Variants in BCKDHB observed in about 807,000 individuals in gnomAD.
BCKDHB encodes branched chain keto acid dehydrogenase E1 subunit beta.
A neutral mutation model predicts 48.5 loss-of-function variants in BCKDHB; 41 were observed. The observed-to-expected ratio is 0.85, with a 90% CI of 0.66 to 1.10. The LOEUF (loss-of-function observed/expected upper bound fraction) is 1.10, where lower values mean the gene tolerates loss of function less well. BCKDHB is among the 50% of genes least tolerant of loss of function. BCKDHB has a pLI of 0.00. For missense variants in BCKDHB, 496 were observed against 494.2 expected, an observed-to-expected ratio of 1.00 and a Z score of -0.03; for synonymous variants, 201 against 174.8, an observed-to-expected ratio of 1.15 and a Z score of -1.18.
At chr6:80,257,875 G>A (rs550537489) in intron 8 of BCKDHB, among the ~76,000 whole-genome samples, 64 of 151,866 alleles carry the variant, frequency 4.2e-4, no homozygotes, top group African/African-American at 1.5e-3. Flanking sequence ...TTTTTCCTTC[G>A]GACTCCCAGC....
intron 3 of BCKDHB, among the ~76,000 whole-genome samples, chr6:80,133,757 C>A (rs1246210173): frequency 6.6e-6 from 1 of 152,104 alleles, no homozygotes; most frequent in Non-Finnish European, 1.5e-5. Context: ...ATTCTCCTGC[C>A]TCAGCCTCCC....
At chr6:80,379,323 CA>C in the BCKDHB span, among the ~76,000 whole-genome samples, 2 of 151,888 alleles carry the variant, frequency 1.3e-5, no homozygotes, top group Admixed American at 1.3e-4. Context: ...ATAAACAGAA[CA>C]AAGAACAAAA....
At chr6:80,398,803 T>C in the BCKDHB span, among the ~76,000 whole-genome samples, 2 of 151,920 alleles carry the variant, frequency 1.3e-5, no homozygotes, top group Non-Finnish European at 2.9e-5. Context: ...GCAAAAAAAC[T>C]TCAGGCAAAT....
intron 8 of BCKDHB, among the ~76,000 whole-genome samples, chr6:80,217,096 G>A (rs964169604): frequency 2.6e-5 from 4 of 151,982 alleles, no homozygotes; most frequent in African/African-American, 4.8e-5. Context: ...TACAAAAATT[G>A]CTGGGCATGG....
rs550937590 is a variant in BCKDHB at position 80,254,199 on chromosome 6, T to G, written c.952-18936T>G. Among the ~76,000 whole-genome samples, 58 of 151,442 alleles carry G rather than the reference T, an allele frequency of 3.8e-4. 1 individual carries two copies. The highest frequency in any genetic ancestry group is 1.2e-3 in the African/African-American group (49 of 41,402). Reference sequence around the variant, plus strand: ...CTAATATATTATTAATTTATTTACTTTATTATTTTATTATTATTTACTTTA... The same window carrying G: ...CTAATATATTATTAATTTATTTACTGTATTATTTTATTATTATTTACTTTA... On this transcript the variant is annotated intron_variant, in intron 8 of 9. Transcript: ENST00000320393.
intron 9 of BCKDHB, among the ~76,000 whole-genome samples, chr6:80,338,696 G>A (rs1246325353): frequency 6.6e-6 from 1 of 152,038 alleles, no homozygotes; most frequent in South Asian, 2.1e-4. Context: ...AAAATACCTT[G>A]TGCTTATTAT....
the BCKDHB span, among the ~76,000 whole-genome samples, chr6:80,417,170 C>G: frequency 6.6e-6 from 1 of 152,034 alleles, no homozygotes; most frequent in African/African-American, 2.4e-5. Context: ...AGGATTGCAA[C>G]TCCTTTTTTT....
intron 5 of BCKDHB, among the ~76,000 whole-genome samples, 192 bp from the exon 6 acceptor site, chr6:80,171,090 C>G (rs1166629226): frequency 6.6e-6 from 1 of 151,902 alleles, no homozygotes; most frequent in African/African-American, 2.4e-5. Flanking sequence ...TGATAAATAT[C>G]TGTTGAATAA....
chr6:80,444,724 T>C, the BCKDHB span, among the ~76,000 whole-genome samples: 2 of 152,180 alleles, frequency 1.3e-5, no homozygotes, highest in African/African-American at 4.8e-5. Context: ...ATTTTTAAAA[T>C]GTCTTGCATA....
chr6:80,307,547 G>A (rs1767941517), intron 9 of BCKDHB: 1 of 984,636 alleles, frequency 1.0e-6, no homozygotes, highest in East Asian at 1.1e-4. Context: ...AACGTCTCCA[G>A]ATGGGTCCAT....
intron 7 of BCKDHB, among the ~76,000 whole-genome samples, chr6:80,201,833 A>G (rs1015423843): frequency 2.6e-5 from 4 of 152,200 alleles, no homozygotes; most frequent in Non-Finnish European, 4.4e-5. Context: ...ATTTTTCTGT[A>G]TAAAGGAAAT....
At chr6:80,274,683 A>G (rs1289376038) in intron 9 of BCKDHB, among the ~76,000 whole-genome samples, 1 of 152,054 alleles carries the variant, frequency 6.6e-6, no homozygotes, top group African/African-American at 2.4e-5. Flanking sequence ...AGTAGAACAT[A>G]GTTGGAATTA....
intron 8 of BCKDHB, among the ~76,000 whole-genome samples, chr6:80,263,525 C>T (rs1777387317): frequency 6.6e-6 from 1 of 151,108 alleles, no homozygotes; most frequent in African/African-American, 2.4e-5. Flanking sequence ...ACCCAAAAAC[C>T]CAAAAGATTT....
At chr6:80,282,722 G>A (rs1766402256) in intron 9 of BCKDHB, among the ~76,000 whole-genome samples, 3 of 151,882 alleles carry the variant, frequency 2.0e-5, no homozygotes, top group Admixed American at 2.0e-4. Flanking sequence ...ATACATCTAG[G>A]CATAGGAAAA....
intron 8 of BCKDHB, among the ~76,000 whole-genome samples, chr6:80,270,940 T>C (rs572696506): frequency 7.2e-5 from 11 of 152,276 alleles, no homozygotes; most frequent in Admixed American, 2.6e-4. Flanking sequence ...TGTTTGGCAC[T>C]AATTCAAGGG....
the BCKDHB span, among the ~76,000 whole-genome samples, chr6:80,432,908 CAGTT>C: frequency 2.6e-5 from 4 of 152,190 alleles, no homozygotes; most frequent in South Asian, 2.1e-4. Context: ...TTCTTTCTAA[CAGTT>C]AGCCCCTCTG....
intron 8 of BCKDHB, among the ~76,000 whole-genome samples, chr6:80,254,288 T>G (rs1405776361): frequency 1.3e-5 from 2 of 152,124 alleles, no homozygotes; most frequent in Non-Finnish European, 2.9e-5. Flanking sequence ...ATGTCATAGT[T>G]TTTTAATAAG....
intron 7 of BCKDHB, among the ~76,000 whole-genome samples, chr6:80,202,557 A>G: frequency 6.6e-6 from 1 of 152,054 alleles, no homozygotes; most frequent in South Asian, 2.1e-4. Context: ...GTTTAAATTC[A>G]GCTCTTATTC....
At chr6:80,155,049 TAAATC>T (rs1269657157) in intron 3 of BCKDHB, among the ~76,000 whole-genome samples, 5 of 152,162 alleles carry the variant, frequency 3.3e-5, no homozygotes, top group African/African-American at 1.2e-4. Flanking sequence ...AATTTATTAT[TAAATC>T]AAAGTTTGAA....
Sources: gnomAD v4.1 joint callset for allele counts (sites outside exome capture counted in the v4.1 genomes callset) on GRCh38, gnomAD v4.1.1 for gene constraint, MANE v1.5 for transcripts, NCBI Gene and HGNC (gene_info 2026-07-23, HGNC 2026-07-21) for gene names.